Variants in FRMPD2 observed in about 807,000 individuals in gnomAD.
FRMPD2 encodes FERM and PDZ domain-containing protein 2.
FRMPD2 carries 96 observed loss-of-function variants against 140.1 expected under a neutral mutation model. The observed-to-expected ratio is 0.69, with a 90% confidence interval of 0.58 to 0.81. The LOEUF is 0.81. FRMPD2 is among the 40% of genes least tolerant of loss of function. The probability of loss-of-function intolerance (pLI) is 0.00; values close to 1 mark genes in which losing one functional copy is unlikely to be tolerated. For synonymous variants in FRMPD2, 449 were observed against 547.6 expected, an observed-to-expected ratio of 0.82 and a Z score of 2.52; for missense variants, 1,240 against 1,447.4, an observed-to-expected ratio of 0.86 and a Z score of 2.32.
chr10:48,196,219 G>T (rs190884744), intron 15 of FRMPD2, among the ~76,000 whole-genome samples: 2 of 152,340 alleles, frequency 1.3e-5, no homozygotes, highest in East Asian at 1.9e-4. Context: ...TCAGGGCAAA[G>T]AATATGGCAG....
intron 17 of FRMPD2, 147 bp from the exon 18 acceptor site, chr10:48,185,792 A>G (rs1017839030): frequency 1.5e-6 from 1 of 650,384 alleles, no homozygotes; most frequent in Non-Finnish European, 2.8e-6. Flanking sequence ...CTCATATTTA[A>G]TCTCCCAGCA....
chr10:48,263,391 C>T (rs1297459474), intron 1 of FRMPD2, among the ~76,000 whole-genome samples: 2 of 150,576 alleles, frequency 1.3e-5, no homozygotes, highest in Non-Finnish European at 3.0e-5. Context: ...TATTTGAAAA[C>T]AACAACAAAA....
At chr10:48,200,826 C>T (rs1839068326) in intron 15 of FRMPD2, among the ~76,000 whole-genome samples, 1 of 152,230 alleles carries the variant, frequency 6.6e-6, no homozygotes, top group African/African-American at 2.4e-5. Context: ...TGTTTGGATA[C>T]TTAGATTGCT....
intron 1 of FRMPD2, among the ~76,000 whole-genome samples, chr10:48,273,930 GTTTT>G (rs1250856780): frequency 6.6e-6 from 1 of 151,892 alleles, no homozygotes; most frequent in Non-Finnish European, 1.5e-5. Flanking sequence ...CCTCAACTGA[GTTTT>G]TTCTTTCCTT....
chr10:48,261,483 A>G (rs1840589534), intron 1 of FRMPD2, among the ~76,000 whole-genome samples: 1 of 152,168 alleles, frequency 6.6e-6, no homozygotes, highest in African/African-American at 2.4e-5. Context: ...GTTCAAGTAA[A>G]AAGATCGTAG....
chr10:48,190,490 G>A (rs537957651), intron 16 of FRMPD2, among the ~76,000 whole-genome samples: 1 of 152,244 alleles, frequency 6.6e-6, no homozygotes, highest in African/African-American at 2.4e-5. Context: ...CCCTACCCCT[G>A]TGACCACACT....
At chr10:48,210,995 A>T (rs749701925) in intron 13 of FRMPD2, among the ~76,000 whole-genome samples, 2 of 152,218 alleles carry the variant, frequency 1.3e-5, no homozygotes, top group Non-Finnish European at 2.9e-5. Context: ...CCCCAGCTGT[A>T]TCTGCACAGG....
At chr10:48,218,870 G>A (rs1839514100) in intron 12 of FRMPD2, among the ~76,000 whole-genome samples, 1 of 152,234 alleles carries the variant, frequency 6.6e-6, no homozygotes, top group African/African-American at 2.4e-5. Context: ...CTGGGAGGCT[G>A]AGAAAGAACC....
At chr10:48,195,775 A>T (rs1398590121) in intron 15 of FRMPD2, among the ~76,000 whole-genome samples, 1 of 152,250 alleles carries the variant, frequency 6.6e-6, no homozygotes, top group Admixed American at 6.5e-5. Context: ...TTCCACACAA[A>T]TCATCCATTC....
intron 10 of FRMPD2, among the ~76,000 whole-genome samples, chr10:48,226,364 C>G (rs1001055334): frequency 6.6e-6 from 1 of 152,202 alleles, no homozygotes; most frequent in Non-Finnish European, 1.5e-5. Context: ...AGCCGAACTC[C>G]TCTTTTTTCC....
rs180851439 is a variant in FRMPD2 at position 48,163,984 on chromosome 10, C to T, written c.3538-313G>A. On this transcript the variant is annotated intron_variant, in intron 27 of 28. Transcript: ENST00000374201. Reference sequence around the variant, plus strand: ...AAAACAATGACTCTATTCCACTCTCCGATAAGAAATGTTTTCTTTTTAAGT... The same window carrying T: ...AAAACAATGACTCTATTCCACTCTCTGATAAGAAATGTTTTCTTTTTAAGT... 7.2e-4 allele frequency among the ~76,000 whole-genome samples: 109 copies of T among 151,294 alleles called. No individual in the cohort carries two copies. The East Asian group carries it at 8.3e-3, about 12-fold the overall frequency.
chr10:48,203,607 C>A (rs925699330), intron 14 of FRMPD2, among the ~76,000 whole-genome samples: 1 of 152,080 alleles, frequency 6.6e-6, no homozygotes, highest in African/African-American at 2.4e-5. Context: ...TATTTTCATC[C>A]CTAGGAGTTC....
chr10:48,236,638 G>T (rs778641775), intron 8 of FRMPD2, 85 bp from the exon 9 acceptor site: 10 of 1,221,278 alleles, frequency 8.2e-6, no homozygotes, highest in Non-Finnish European at 1.2e-5. Flanking sequence ...CACCTCTGCA[G>T]CCCCCACCAG....
chr10:48,206,376 TA>T (rs1214843699), intron 14 of FRMPD2, among the ~76,000 whole-genome samples: 2 of 152,152 alleles, frequency 1.3e-5, no homozygotes, highest in Admixed American at 1.3e-4. Flanking sequence ...CCACTCAACC[TA>T]AACTACACTC....
At chr10:48,195,802 G>A (rs1197743421) in intron 15 of FRMPD2, among the ~76,000 whole-genome samples, 1 of 152,202 alleles carries the variant, frequency 6.6e-6, no homozygotes, top group Non-Finnish European at 1.5e-5. Flanking sequence ...CAAAAAACAT[G>A]TATTAACCAC....
At chr10:48,222,126 GTGGATGGATGGATGGATGGA>G (rs148237970) in intron 12 of FRMPD2, among the ~76,000 whole-genome samples, 167 bp downstream of exon 12, 6 of 144,004 alleles carry the variant, frequency 4.2e-5, no homozygotes, top group Admixed American at 1.4e-4. Context: ...CAATGAATAG[GTGGATGGATGGATGGATGGA>G]TGGATGGATG....
Position 48,178,132 on chromosome 10 carries a change from G to A in FRMPD2, c.2810C>T (p.Pro937Leu). ...AGCACTGATTTCTGGAGGTGATGGA[G>A]GACAAGAAGAACCAGCACCCTGCCA... ...LPLKGAGSSC[P>L]PSPPEISAGE... The change falls in exon 22 of 29, where the codon CCT becomes CTT. Residue 937 changes from proline to leucine, a missense_variant. Physicochemically the swap from Pro to Leu is moderately conservative, Grantham distance 98. Around this residue, in one of 6 missense-constraint regions of FRMPD2, gnomAD observed 25 missense variants for 41.5 expected, o/e 0.60. Coordinates refer to ENST00000374201, the MANE Select transcript of FRMPD2 (RefSeq NM_001018071.4). 2.6e-6 allele frequency: 4 copies of A among 1,553,428 alleles called. No individual in the cohort carries two copies. Among genetic ancestry groups the A allele is most frequent in the Non-Finnish European group, 2.7e-6 (3 of 1,127,506 alleles).
chr10:48,204,456 A>G (rs1839159120), intron 14 of FRMPD2, among the ~76,000 whole-genome samples: 1 of 152,228 alleles, frequency 6.6e-6, no homozygotes, highest in African/African-American at 2.4e-5. Context: ...ACAGATTTCA[A>G]TCCACCATGC....
intron 16 of FRMPD2, among the ~76,000 whole-genome samples, chr10:48,188,346 G>C (rs57786719): frequency 1.3e-5 from 2 of 151,868 alleles, no homozygotes; most frequent in Non-Finnish European, 2.9e-5. Context: ...CAGGGGCGGT[G>C]GGGGGAGGAG....
Sources: allele counts gnomAD v4.1 joint callset (sites outside exome capture counted in the v4.1 genomes callset), GRCh38; gene constraint gnomAD v4.1.1; regional missense constraint gnomAD v4.1.1; transcripts MANE v1.5; gene names NCBI Gene and HGNC (gene_info 2026-07-23, HGNC 2026-07-21).